ERBB4: variants seen among roughly 807,000 people sequenced by gnomAD.
ERBB4 encodes erb-b2 receptor tyrosine kinase 4.
In ERBB4, 42 loss-of-function variants were observed where a neutral mutation model predicts 158.0. That is an observed-to-expected ratio of 0.27 (90% confidence interval 0.21 to 0.34). The LOEUF is 0.34. Among genes scored for constraint, ERBB4 ranks in the 10% least tolerant of loss-of-function variants. ERBB4 has a pLI of 1.00. For missense variants in ERBB4, 1,333 were observed against 1,624.1 expected, an observed-to-expected ratio of 0.82 and a Z score of 3.08; for synonymous variants, 583 against 558.7, an observed-to-expected ratio of 1.04 and a Z score of -0.61.
chr2:211,579,651 A>T (rs1413901512), intron 19 of ERBB4, among the ~76,000 whole-genome samples: 1 of 152,242 alleles, frequency 6.6e-6, no homozygotes, highest in East Asian at 1.9e-4. Flanking sequence ...CTTTATAGAG[A>T]TGTAGATGGA....
chr2:211,713,506 C>T (rs762987711), intron 8 of ERBB4, 29 bp downstream of exon 8: 1 of 1,359,064 alleles, frequency 7.4e-7, no homozygotes, highest in South Asian at 1.2e-5. Context: ...AGGCCCAGTT[C>T]TAACTAAATA....
At chr2:211,602,729 A>C (rs1273119180) in intron 19 of ERBB4, among the ~76,000 whole-genome samples, 2 of 152,150 alleles carry the variant, frequency 1.3e-5, no homozygotes, top group African/African-American at 4.8e-5. Flanking sequence ...GATTGGGCAT[A>C]GACTACTACA....
intron 3 of ERBB4, among the ~76,000 whole-genome samples, chr2:211,850,997 A>G (rs2077707957): frequency 1.3e-5 from 2 of 152,012 alleles, no homozygotes; most frequent in African/African-American, 4.8e-5. Context: ...GCTCTGCCTG[A>G]TAGTCAATAC....
chr2:212,353,391 AATAC>A (rs1207480657), intron 1 of ERBB4, among the ~76,000 whole-genome samples: 60 of 149,610 alleles, frequency 4.0e-4, no homozygotes, highest in Non-Finnish European at 5.2e-4. Context: ...TGCTGTATAT[AATAC>A]ATACAAATAA....
intron 1 of ERBB4, among the ~76,000 whole-genome samples, chr2:212,173,407 G>C (rs924734784): frequency 1.3e-5 from 2 of 152,100 alleles, no homozygotes; most frequent in African/African-American, 4.8e-5. Context: ...CAAAGGCAAA[G>C]GCCTTGAAGC....
intron 5 of ERBB4, among the ~76,000 whole-genome samples, chr2:211,739,951 G>T (rs2074735373): frequency 6.6e-6 from 1 of 152,164 alleles, no homozygotes; most frequent in Non-Finnish European, 1.5e-5. Context: ...GTTACATATT[G>T]GTGAAATATT....
chr2:212,135,153 A>T (rs2080233071), intron 1 of ERBB4, among the ~76,000 whole-genome samples: 1 of 152,150 alleles, frequency 6.6e-6, no homozygotes, highest in South Asian at 2.1e-4. Flanking sequence ...ATCTATCTAA[A>T]ATTGAATTGA....
chr2:211,610,421 G>C (rs200032516), intron 19 of ERBB4, among the ~76,000 whole-genome samples: 5 of 152,028 alleles, frequency 3.3e-5, no homozygotes, highest in Non-Finnish European at 5.9e-5. Flanking sequence ...AAACCATTGA[G>C]GTTTGACATA....
At chr2:211,758,644 A>T (rs2075338511) in intron 4 of ERBB4, among the ~76,000 whole-genome samples, 1 of 152,208 alleles carries the variant, frequency 6.6e-6, no homozygotes, top group Non-Finnish European at 1.5e-5. Flanking sequence ...GAATATACTG[A>T]GATGTGTCAG....
chr2:212,255,054 G>A (rs1047227156), intron 1 of ERBB4, among the ~76,000 whole-genome samples: 12 of 152,068 alleles, frequency 7.9e-5, no homozygotes, highest in African/African-American at 2.9e-4. Flanking sequence ...ATCTACTTAT[G>A]CATCTATCCA....
intron 4 of ERBB4, among the ~76,000 whole-genome samples, chr2:211,780,921 A>T (rs2076016958): frequency 6.6e-6 from 1 of 152,192 alleles, no homozygotes; most frequent in South Asian, 2.1e-4. Context: ...GTTTTATTTA[A>T]AAATATCTTT....
chr2:212,066,828 G>A (rs776518041), intron 2 of ERBB4, among the ~76,000 whole-genome samples: 93 of 151,950 alleles, frequency 6.1e-4, no homozygotes, highest in Non-Finnish European at 1.1e-3. Context: ...AGCATGAAAA[G>A]AACTCTGACA....
intron 1 of ERBB4, among the ~76,000 whole-genome samples, chr2:212,296,052 T>C (rs1193305814): frequency 1.3e-5 from 2 of 152,038 alleles, no homozygotes; most frequent in Admixed American, 6.6e-5. Context: ...GTTGTCTTTC[T>C]GTAAGAACTT....
intron 1 of ERBB4, among the ~76,000 whole-genome samples, chr2:212,213,722 C>T (rs1462172874): frequency 6.6e-6 from 1 of 151,808 alleles, no homozygotes; most frequent in Non-Finnish European, 1.5e-5. Flanking sequence ...TCTTCAAAAG[C>T]AGGGTGAAGG....
At chr2:212,095,946 G>GAA (rs35084866) in intron 2 of ERBB4, among the ~76,000 whole-genome samples, 2,339 of 130,116 alleles carry the variant, frequency 0.018, 30 homozygotes, top group Middle Eastern at 0.025. Context: ...AAAAAAAAAA[G>GAA]AAAAAAAAAA....
chr2:212,380,482 G>A (rs1239271597), intron 1 of ERBB4, among the ~76,000 whole-genome samples: 1 of 143,154 alleles, frequency 7.0e-6, no homozygotes, highest in Non-Finnish European at 1.6e-5. Flanking sequence ...GTGTGTGTGT[G>A]TGTGTGTATG....
intron 3 of ERBB4, among the ~76,000 whole-genome samples, chr2:211,791,086 TA>T (rs1242234055): frequency 2.0e-5 from 3 of 151,880 alleles, no homozygotes; most frequent in South Asian, 2.1e-4. Context: ...ATTACTGTAT[TA>T]AAAAAATTCT....
At chr2:211,668,662 G>C (rs2071719365) in intron 14 of ERBB4, among the ~76,000 whole-genome samples, 1 of 151,876 alleles carries the variant, frequency 6.6e-6, no homozygotes, top group African/African-American at 2.4e-5. Flanking sequence ...TTATTCACCA[G>C]TGACCAATTA....
chr2:211,445,644 G>C (rs548314280), intron 20 of ERBB4, among the ~76,000 whole-genome samples: 1 of 152,218 alleles, frequency 6.6e-6, no homozygotes, highest in Admixed American at 6.6e-5. Flanking sequence ...CTTTGAATTT[G>C]GAAACGGGAA....
Sources: allele counts gnomAD v4.1 joint callset (sites outside exome capture counted in the v4.1 genomes callset), GRCh38; gene constraint gnomAD v4.1.1; transcripts MANE v1.5; gene names NCBI Gene and HGNC (gene_info 2026-07-23, HGNC 2026-07-21).